Variants in ARFGEF1 observed in about 807,000 individuals in gnomAD.
ARFGEF1 encodes brefeldin A-inhibited guanine nucleotide-exchange protein 1.
ARFGEF1 carries 42 observed loss-of-function variants against 231.0 expected under a neutral mutation model. That is an observed-to-expected ratio of 0.18 (90% CI 0.14 to 0.24). The LOEUF is 0.24. ARFGEF1 is among the 10% of genes least tolerant of loss of function. The pLI is 1.00. For missense variants in ARFGEF1, 1,345 were observed against 2,192.0 expected (o/e 0.61, Z 7.72); for synonymous variants, 710 against 732.3 (o/e 0.97, Z 0.49).
intron 23 of ARFGEF1, among the ~76,000 whole-genome samples, chr8:67,231,900 A>G (rs936259535): frequency 6.6e-6 from 1 of 152,026 alleles, no homozygotes; most frequent in Non-Finnish European, 1.5e-5. Context: ...TGTTTGTTAT[A>G]CAGTAGGTAT....
intron 3 of ARFGEF1, 24 bp downstream of exon 3, chr8:67,301,200 T>C (rs372650059): frequency 1.6e-4 from 254 of 1,563,862 alleles, no homozygotes; most frequent in Non-Finnish European, 1.3e-4. Flanking sequence ...ACACAGTTTT[T>C]AGAAAGTGCC....
chr8:67,201,423 A>G, intron 37 of ARFGEF1, 44 bp downstream of exon 37: 2 of 1,576,914 alleles, frequency 1.3e-6, no homozygotes, highest in Non-Finnish European at 1.7e-6. Context: ...GCCCGGCACC[A>G]CGTGGCTACC....
At chr8:67,281,962 C>T (rs1048613481) in intron 7 of ARFGEF1, among the ~76,000 whole-genome samples, 3 of 152,002 alleles carry the variant, frequency 2.0e-5, no homozygotes, top group East Asian at 1.9e-4. Context: ...GGAGAAGACT[C>T]GATACTGTTG....
At chr8:67,240,118 A>G (rs1198511662) in intron 20 of ARFGEF1, 44 bp downstream of exon 20, 2 of 1,594,292 alleles carry the variant, frequency 1.3e-6, no homozygotes, top group Non-Finnish European at 1.7e-6. Context: ...TGGCATAGGT[A>G]ATTAATGTTC....
intron 19 of ARFGEF1, among the ~76,000 whole-genome samples, chr8:67,241,590 T>C (rs1263916467): frequency 1.3e-5 from 2 of 152,206 alleles, no homozygotes; most frequent in African/African-American, 4.8e-5. Context: ...GTACGAACCT[T>C]TGTGGAACAC....
intron 7 of ARFGEF1, among the ~76,000 whole-genome samples, chr8:67,287,223 ACCTT>A (rs546818367): frequency 3.3e-4 from 50 of 152,256 alleles, no homozygotes; most frequent in African/African-American, 1.1e-3. Flanking sequence ...CTGAACACCA[ACCTT>A]CCTTCTGGTA....
At chr8:67,317,700 C>T (rs1441336934) in intron 1 of ARFGEF1, among the ~76,000 whole-genome samples, 1 of 147,760 alleles carries the variant, frequency 6.8e-6, no homozygotes, top group East Asian at 2.0e-4. Flanking sequence ...CACCTGAGGT[C>T]GGGAGTTCGA....
intron 1 of ARFGEF1, among the ~76,000 whole-genome samples, chr8:67,329,216 C>T (rs927529957): frequency 1.9e-4 from 28 of 149,498 alleles, no homozygotes; most frequent in Admixed American, 1.6e-3. Context: ...TCTTTAAAAA[C>T]AAAACAAAAA....
rs77717360 is a variant in ARFGEF1, at chr8:67,276,972, T to A, written c.1203+310A>T. ...TAGAAATATTCAGCCCATACCAGAA[T>A]TATCTTGTGAATATGTAATAAGAAT... On this transcript the variant is annotated intron_variant, in intron 8 of 38. Transcript: ENST00000262215. 8.5e-5 allele frequency among the ~76,000 whole-genome samples: 13 copies of A among 152,266 alleles called. No homozygotes were observed. The East Asian group carries it at 2.5e-3, about 29-fold the overall frequency.
intron 14 of ARFGEF1, among the ~76,000 whole-genome samples, chr8:67,260,852 T>C: frequency 6.6e-6 from 1 of 152,128 alleles, no homozygotes; most frequent in Non-Finnish European, 1.5e-5. Flanking sequence ...AAGTTAAAAG[T>C]GCTACTCCAG....
At chr8:67,278,170 T>C (rs1458697733) in intron 7 of ARFGEF1, among the ~76,000 whole-genome samples, 1 of 152,190 alleles carries the variant, frequency 6.6e-6, no homozygotes, top group East Asian at 1.9e-4. Context: ...AACTCTTCCA[T>C]GCTACCAATT....
Position 67,343,564 on chromosome 8 carries a change from C to T in ARFGEF1, c.-277G>A. On this transcript the variant is annotated 5_prime_UTR_variant, in exon 1 of 39. Transcript: ENST00000262215. ...TTCTCCCGGCCCGGGGGTCGCGTCC[C>T]GGCCGCCCCTCTCACTCGTCCCTCC... The T allele has an allele frequency of 1.8e-6, 2 of 1,126,100 alleles. No homozygotes were observed. Among genetic ancestry groups the T allele is most frequent in the Non-Finnish European group, 2.2e-6 (2 of 919,508 alleles). 69.8% of individuals were successfully genotyped at this position (1,126,100 alleles called of 1,614,324 possible).
Position 67,222,919 on chromosome 8 carries a change from G to A in ARFGEF1, c.4208+1984C>T, listed in dbSNP as rs183121118. On this transcript the variant is annotated intron_variant, in intron 29 of 38. Coordinates refer to ENST00000262215, the MANE Select transcript of ARFGEF1 (RefSeq NM_006421.5). Reference sequence around the variant, plus strand: ...TATGTTTAGATACACAAACACCACCGTATTAACAGCTGCCTACAGTACAGT... The same window carrying A: ...TATGTTTAGATACACAAACACCACCATATTAACAGCTGCCTACAGTACAGT... Among the ~76,000 whole-genome samples, 40 of 152,252 alleles carry A rather than the reference G, an allele frequency of 2.6e-4. No individual in the cohort carries two copies. The East Asian group carries it at 4.6e-3, about 18-fold the overall frequency.
chr8:67,231,281 T>A (rs987534730), intron 23 of ARFGEF1, among the ~76,000 whole-genome samples: 1 of 152,130 alleles, frequency 6.6e-6, no homozygotes, highest in Non-Finnish European at 1.5e-5. Context: ...TATATAACTT[T>A]CGGTGTTTTC....
Position 67,225,750 on chromosome 8 carries a change from G to T in ARFGEF1, c.4077+273C>A, listed in dbSNP as rs112703372. The stretch of plus-strand genomic sequence containing the variant: ...TCTCTGTGCCTCAGTTTCTTTGTCT[G>T]TATGGGGCTATAACACTATCTACCC... On this transcript the variant is annotated intron_variant, in intron 28 of 38. Coordinates refer to ENST00000262215, the MANE Select transcript of ARFGEF1 (RefSeq NM_006421.5). Among the ~76,000 whole-genome samples, 6 of 152,194 alleles carry T rather than the reference G, an allele frequency of 3.9e-5. No homozygotes were observed. In the South Asian group the frequency reaches 1.2e-3, roughly 32 times the overall value.
chr8:67,259,996 C>T, intron 14 of ARFGEF1, 70 bp from the exon 15 acceptor site: 2 of 1,060,822 alleles, frequency 1.9e-6, no homozygotes, highest in Non-Finnish European at 2.8e-6. Flanking sequence ...TCTTAAACCA[C>T]AGTAAATTTT....
At chr8:67,267,542 C>G in intron 10 of ARFGEF1, 100 bp from the exon 11 acceptor site, 1 of 725,656 alleles carries the variant, frequency 1.4e-6, no homozygotes. Context: ...TATTAGGACC[C>G]AGGCTCTTAT....
At chr8:67,243,679 A>C (rs959961006) in intron 19 of ARFGEF1, among the ~76,000 whole-genome samples, 1 of 152,168 alleles carries the variant, frequency 6.6e-6, no homozygotes, top group African/African-American at 2.4e-5. Context: ...ACTACAATAA[A>C]CACCTAATTA....
chr8:67,302,050 T>G (rs1374181688), intron 2 of ARFGEF1, among the ~76,000 whole-genome samples: 6 of 151,968 alleles, frequency 3.9e-5, no homozygotes, highest in African/African-American at 1.4e-4. Flanking sequence ...CTACAAAAAA[T>G]TAGACAGGCA....
Sources: gnomAD v4.1 joint callset for allele counts (sites outside exome capture counted in the v4.1 genomes callset) on GRCh38, gnomAD v4.1.1 for gene constraint, MANE v1.5 for transcripts, NCBI Gene and HGNC (gene_info 2026-07-23, HGNC 2026-07-21) for gene names.